Variants in SEPTIN9 observed in about 807,000 individuals in gnomAD.
The protein encoded by SEPTIN9 is septin 9.
Under a neutral mutation model 56.6 loss-of-function variants are expected in SEPTIN9, and 13 were observed. That is an observed-to-expected ratio of 0.23 (90% CI 0.15 to 0.37). The LOEUF is 0.37. Among genes scored for constraint, SEPTIN9 ranks in the 10% least tolerant of loss-of-function variants. The pLI is 1.00. For missense variants in SEPTIN9, 650 were observed against 823.1 expected (o/e 0.79, Z 2.57); for synonymous variants, 332 against 334.1 (o/e 0.99, Z 0.07).
intron 2 of SEPTIN9, among the ~76,000 whole-genome samples, chr17:77,337,480 C>A (rs566060559): frequency 6.6e-6 from 1 of 151,930 alleles, no homozygotes; most frequent in African/African-American, 2.4e-5. Context: ...TAGTTTGTTT[C>A]GGTAATGTCT....
At position 77,482,117 on chromosome 17, in the gene SEPTIN9, C is replaced by CGAA. The variant is rs1054377423; in HGVS notation, c.722-27_722-26insGAA. ...CCTGTGTGTGAGCCCCTGTTCCGCT[C>CGAA]TAACTCCTCTGCTGTTCCTTCCCCA... On this transcript the variant is annotated intron_variant, in intron 3 of 11. Coordinates refer to ENST00000427177, the MANE Select transcript of SEPTIN9 (RefSeq NM_001113491.2). The CGAA allele has an allele frequency of 3.2e-6, 5 of 1,542,280 alleles. No individual in the cohort carries two copies. In the African/African-American group the frequency reaches 6.9e-5, roughly 21 times the overall value.
chr17:77,409,859 C>T (rs1393918392), intron 3 of SEPTIN9, among the ~76,000 whole-genome samples: 2 of 152,212 alleles, frequency 1.3e-5, no homozygotes, highest in Non-Finnish European at 2.9e-5. Context: ...TCAGACTCCC[C>T]GCCTCGGGGC....
intron 4 of SEPTIN9, among the ~76,000 whole-genome samples, chr17:77,486,525 C>CGT (rs1283392188): frequency 9.8e-6 from 1 of 102,026 alleles, no homozygotes; most frequent in Non-Finnish European, 1.8e-5. Context: ...TGTGTGTGCG[C>CGT]GCACGCGCGC....
Position 77,319,787 on chromosome 17 carries a change from G to T in SEPTIN9, c.76+12590G>T. The stretch of plus-strand genomic sequence containing the variant: ...GGGAAAATGAAAGACTTTGGAAGTC[G>T]TCAGGAATTTGACTCTGTGAGTTGG... On this transcript the variant is annotated intron_variant, in intron 2 of 11. Coordinates refer to ENST00000427177, the MANE Select transcript of SEPTIN9 (RefSeq NM_001113491.2). The surrounding 1 kb of genome is among the most constrained non-coding windows in gnomAD (Gnocchi z 5.3). 1 of 1,073,982 alleles carries T rather than the reference G, an allele frequency of 9.3e-7. No individual in the cohort carries two copies. Among genetic ancestry groups the T allele is most frequent in the Non-Finnish European group, 1.1e-6 (1 of 883,744 alleles). The allele number at this position is 1,073,982 out of a possible 1,614,324, so 66.5% of individuals were successfully genotyped here. A position where few individuals can be genotyped will look rare whatever the true frequency, so the allele number is the denominator to read the frequency against.
At chr17:77,340,777 T>C (rs2033701105) in intron 2 of SEPTIN9, among the ~76,000 whole-genome samples, 1 of 152,266 alleles carries the variant, frequency 6.6e-6, no homozygotes, top group African/African-American at 2.4e-5. Context: ...ATCAGTGCTC[T>C]GAGCTAGATC....
intron 2 of SEPTIN9, chr17:77,320,494 C>G: frequency 2.6e-6 from 2 of 762,322 alleles, no homozygotes; most frequent in Non-Finnish European, 4.6e-6. Context: ...GTTCCAAGCT[C>G]GTGGGATGAA....
At chr17:77,308,386 G>T (rs911429914) in intron 2 of SEPTIN9, among the ~76,000 whole-genome samples, 5 of 152,226 alleles carry the variant, frequency 3.3e-5, no homozygotes, top group Non-Finnish European at 5.9e-5. Context: ...GGGGGCAAGG[G>T]CATGTGCCCA....
chr17:77,402,091 G>A lies in SEPTIN9; in HGVS notation c.109G>A (p.Glu37Lys), dbSNP rs752352921. Residue 37 changes from glutamate to lysine, a missense_variant, in exon 3 of 12, where the codon GAG (glutamate) becomes AAG (lysine). Transcript: ENST00000427177. The surrounding 1 kb of genome is among the most constrained non-coding windows in gnomAD (Gnocchi z 6.6). ...AAGATCTTTTGAGGTCGAGGAGGTC[G>A]AGACACCCAACTCCACCCCACCCCG... Reference protein sequence around the residue: ...LKRSFEVEEVETPNSTPPRRV... With the variant: ...LKRSFEVEEVKTPNSTPPRRV... 25 of 1,613,564 alleles carry A rather than the reference G, an allele frequency of 1.5e-5. No homozygotes were observed. The highest frequency in any genetic ancestry group is 3.3e-5 in the South Asian group (3 of 91,076).
At chr17:77,462,871 A>G in intron 3 of SEPTIN9, among the ~76,000 whole-genome samples, 1 of 151,358 alleles carries the variant, frequency 6.6e-6, no homozygotes, top group East Asian at 2.0e-4. Context: ...TCAACTCCTG[A>G]CCTCAAGTGA....
intron 1 of SEPTIN9, among the ~76,000 whole-genome samples, chr17:77,304,244 C>A (rs1242929442): frequency 6.6e-6 from 1 of 152,250 alleles, no homozygotes; most frequent in East Asian, 1.9e-4. Flanking sequence ...GCAGGGGATG[C>A]TCAGGCTGCG....
rs142433165 is a variant in SEPTIN9, at chr17:77,449,015, C to G, written c.722-33129C>G. Among the ~76,000 whole-genome samples the G allele has an allele frequency of 1.8e-3, 279 of 152,218 alleles. No homozygotes were observed. Among genetic ancestry groups the G allele is most frequent in the African/African-American group, 6.4e-3 (267 of 41,542 alleles). ...GCCAGGCTGGTTTTGAACTCCTGACCTCAGGTGATCTGCCCACCTCAGCCT... is the reference window on the plus strand; with the variant it reads ...GCCAGGCTGGTTTTGAACTCCTGACGTCAGGTGATCTGCCCACCTCAGCCT... On this transcript the variant is annotated intron_variant, in intron 3 of 11. Transcript: ENST00000427177. This position sits in a 1 kb window ranked among gnomAD's most constrained non-coding sequence, Gnocchi z 4.6.
rs957076719 is a variant in SEPTIN9 at position 77,319,694 on chromosome 17, G to A, written c.76+12497G>A. ...GGGCCAGCCCAGGACAGAGGAAGGC[G>A]AGGCAGGCACGCAGGAACTGGGCTT... On this transcript the variant is annotated intron_variant, in intron 2 of 11. Coordinates refer to ENST00000427177, the MANE Select transcript of SEPTIN9 (RefSeq NM_001113491.2). The surrounding 1 kb of genome is among the most constrained non-coding windows in gnomAD (Gnocchi z 5.3). The A allele has an allele frequency of 8.4e-6, 9 of 1,066,146 alleles. No homozygotes were observed. Among genetic ancestry groups the A allele is most frequent in the Non-Finnish European group, 1.0e-5 (9 of 879,748 alleles). 66.0% of individuals were successfully genotyped at this position (1,066,146 alleles called of 1,614,324 possible).
At chr17:77,484,965 TGA>T (rs2039666123) in intron 4 of SEPTIN9, among the ~76,000 whole-genome samples, 3 of 105,180 alleles carry the variant, frequency 2.9e-5, no homozygotes, top group Non-Finnish European at 5.9e-5. Context: ...ATTGTGGTGG[TGA>T]AGGGGGTGAT....
In SEPTIN9 at chr17:77,338,263, G is replaced by A. The variant is rs1475349966; in HGVS notation, c.76+31066G>A. Among the ~76,000 whole-genome samples the A allele has an allele frequency of 9.2e-5, 14 of 152,110 alleles. 1 individual carries two copies. Among genetic ancestry groups the A allele is most frequent in the Admixed American group, 5.2e-4 (8 of 15,282 alleles). On this transcript the variant is annotated intron_variant, in intron 2 of 11. Transcript: ENST00000427177. ...CTATTAAAGTGTATAAGATCATTAT[G>A]TCTTTTTGCTAAAAAATGCTAATAA...
At chr17:77,489,503 C>A (rs1422138122) in intron 7 of SEPTIN9, among the ~76,000 whole-genome samples, 2 of 152,200 alleles carry the variant, frequency 1.3e-5, no homozygotes, top group South Asian at 4.1e-4. Flanking sequence ...CTGTGGCTCA[C>A]CCTGAGCCAG....
intron 2 of SEPTIN9, among the ~76,000 whole-genome samples, chr17:77,396,106 G>C (rs148487066): frequency 6.6e-6 from 1 of 152,280 alleles, no homozygotes; most frequent in East Asian, 1.9e-4. Flanking sequence ...AGATGAAGGA[G>C]ATGGCTGGCA....
intron 2 of SEPTIN9, among the ~76,000 whole-genome samples, chr17:77,387,670 A>G (rs2035384318): frequency 6.6e-6 from 1 of 152,120 alleles, no homozygotes; most frequent in East Asian, 1.9e-4. Flanking sequence ...GCTGCTTCTG[A>G]GGAGACCCTT....
At chr17:77,320,889 G>A (rs1373680088) in intron 2 of SEPTIN9, among the ~76,000 whole-genome samples, 1 of 152,244 alleles carries the variant, frequency 6.6e-6, no homozygotes, top group Admixed American at 6.5e-5. Context: ...GCACGTGTGT[G>A]TGCATGTGTG....
intron 2 of SEPTIN9, among the ~76,000 whole-genome samples, chr17:77,366,200 G>A (rs1165526210): frequency 2.0e-5 from 3 of 152,156 alleles, no homozygotes; most frequent in African/African-American, 4.8e-5. Flanking sequence ...AGAGCTCCCG[G>A]AAGGGTCAGA....
Sources: gnomAD v4.1 joint callset for allele counts (sites outside exome capture counted in the v4.1 genomes callset) on GRCh38, gnomAD v4.1.1 for gene constraint, Gnocchi (gnomAD v3.1) non-coding constraint, MANE v1.5 for transcripts, NCBI Gene and HGNC (gene_info 2026-07-23, HGNC 2026-07-21) for gene names.